The following PPFIA2 variants were observed in gnomAD, a reference collection of about 807,000 sequenced individuals.
The protein encoded by PPFIA2 is PPFI scaffold protein A2.
PPFIA2 carries 46 observed loss-of-function variants against 175.5 expected under a neutral mutation model. That is an observed-to-expected ratio of 0.26 (90% confidence interval 0.21 to 0.34). PPFIA2 has a LOEUF of 0.34. Ranked by LOEUF, PPFIA2 falls within the 10% of genes least tolerant of loss-of-function variation. PPFIA2 has a pLI of 1.00. For missense variants in PPFIA2, 1,179 were observed against 1,506.1 expected (o/e 0.78, Z 3.60); for synonymous variants, 568 against 511.4 (o/e 1.11, Z -1.49).
At chr12:81,325,504 T>C (rs949648137) in intron 22 of PPFIA2, among the ~76,000 whole-genome samples, 3 of 152,120 alleles carry the variant, frequency 2.0e-5, no homozygotes, top group Non-Finnish European at 2.9e-5. Flanking sequence ...ATCAATAGCA[T>C]TGCATTACTT....
intron 4 of PPFIA2, among the ~76,000 whole-genome samples, chr12:81,594,827 C>T (rs902384068): frequency 2.0e-5 from 3 of 151,984 alleles, no homozygotes; most frequent in Non-Finnish European, 2.9e-5. Context: ...GTGGGAGGAT[C>T]GCTTGAGCCT....
intron 4 of PPFIA2, among the ~76,000 whole-genome samples, chr12:81,556,219 T>A (rs1272277623): frequency 1.3e-5 from 2 of 151,974 alleles, no homozygotes; most frequent in Non-Finnish European, 2.9e-5. Flanking sequence ...GACCAATACT[T>A]TGAAGTGATG....
At chr12:81,751,915 C>A (rs1371407198) in intron 3 of PPFIA2, among the ~76,000 whole-genome samples, 1 of 152,076 alleles carries the variant, frequency 6.6e-6, no homozygotes, top group Admixed American at 6.5e-5. Context: ...AAAATAGTCA[C>A]CTTTTTTTTA....
chr12:81,417,623 C>T (rs2045539467), intron 7 of PPFIA2, among the ~76,000 whole-genome samples: 1 of 151,678 alleles, frequency 6.6e-6, no homozygotes, highest in Non-Finnish European at 1.5e-5. Flanking sequence ...ACCCATTGTT[C>T]TGGCCAATTC....
intron 15 of PPFIA2, among the ~76,000 whole-genome samples, chr12:81,361,789 T>TAA (rs1023866401): frequency 5.9e-5 from 9 of 151,494 alleles, no homozygotes; most frequent in African/African-American, 2.2e-4. Flanking sequence ...AAGATGAACA[T>TAA]AACACCAAGA....
chr12:81,723,816 T>C (rs1488421986), intron 3 of PPFIA2, among the ~76,000 whole-genome samples: 1 of 150,990 alleles, frequency 6.6e-6, no homozygotes, highest in African/African-American at 2.4e-5. Context: ...CCCTTTAAGT[T>C]GCTTTATATC....
At chr12:81,631,405 C>G (rs1168698741) in intron 4 of PPFIA2, among the ~76,000 whole-genome samples, 2 of 152,040 alleles carry the variant, frequency 1.3e-5, no homozygotes, top group African/African-American at 4.8e-5. Context: ...GAATGAATGG[C>G]CTTGTGAAAA....
chr12:81,365,520 T>A (rs1298905882), intron 14 of PPFIA2, among the ~76,000 whole-genome samples: 3 of 151,638 alleles, frequency 2.0e-5, no homozygotes, highest in Middle Eastern at 3.2e-3. Flanking sequence ...GAGCTTTGGA[T>A]AACATAACAT....
chr12:81,627,247 A>G (rs1330032538), intron 4 of PPFIA2, among the ~76,000 whole-genome samples: 1 of 152,130 alleles, frequency 6.6e-6, no homozygotes, highest in African/African-American at 2.4e-5. Context: ...TGTGGTTAAC[A>G]ATAAGTTATT....
At chr12:81,361,008 C>A (rs2029918571) in intron 15 of PPFIA2, among the ~76,000 whole-genome samples, 1 of 151,532 alleles carries the variant, frequency 6.6e-6, no homozygotes, top group Admixed American at 6.6e-5. Flanking sequence ...TTGTAATTAT[C>A]TGTGAGTCCT....
At chr12:81,265,155 T>C (rs780210294) in intron 30 of PPFIA2, among the ~76,000 whole-genome samples, 8 of 151,672 alleles carry the variant, frequency 5.3e-5, no homozygotes, top group Non-Finnish European at 8.8e-5. Flanking sequence ...TAGATGGGTG[T>C]GGTGGCACAT....
intron 22 of PPFIA2, among the ~76,000 whole-genome samples, chr12:81,323,170 C>T (rs533189125): frequency 2.0e-5 from 3 of 151,902 alleles, no homozygotes; most frequent in Non-Finnish European, 2.9e-5. Flanking sequence ...TTTAAAGTTA[C>T]AGACTGTCAA....
chr12:81,504,707 C>T (rs1026089963), intron 4 of PPFIA2, among the ~76,000 whole-genome samples: 1 of 152,096 alleles, frequency 6.6e-6, no homozygotes, highest in African/African-American at 2.4e-5. Flanking sequence ...ATGTTTATTG[C>T]AACACTATTC....
intron 22 of PPFIA2, among the ~76,000 whole-genome samples, chr12:81,322,400 A>G (rs764674447): frequency 1.3e-5 from 2 of 152,150 alleles, no homozygotes; most frequent in Middle Eastern, 3.2e-3. Context: ...GCATCCCCAG[A>G]TGAAGTCCGC....
In PPFIA2 at chr12:81,520,350, G is replaced by T. The variant is rs77574009; in HGVS notation, c.304-62484C>A. Among the ~76,000 whole-genome samples, 458 of 152,250 alleles carry T rather than the reference G, an allele frequency of 3.0e-3. 6 individuals are homozygous for T. Among genetic ancestry groups the T allele is most frequent in the East Asian group, 0.028 (146 of 5,168 alleles). On this transcript the variant is annotated intron_variant, in intron 4 of 32. Coordinates refer to ENST00000549396, the MANE Select transcript of PPFIA2 (RefSeq NM_003625.5). ...AGATTTCATCACACTACTCTGAATG[G>T]TGGGTAGCAACTTAAAACTTATAAA...
intron 4 of PPFIA2, among the ~76,000 whole-genome samples, chr12:81,523,342 C>T (rs1567180344): frequency 6.6e-6 from 1 of 152,156 alleles, no homozygotes; most frequent in African/African-American, 2.4e-5. Flanking sequence ...TGACCACCCC[C>T]TATATTCTTA....
chr12:81,557,740 C>T (rs1462826081), intron 4 of PPFIA2, among the ~76,000 whole-genome samples: 9 of 152,080 alleles, frequency 5.9e-5, no homozygotes, highest in Admixed American at 5.9e-4. Flanking sequence ...TAGGTCATTA[C>T]TCAGAGTTAA....
chr12:81,722,700 C>G (rs946625152), intron 3 of PPFIA2, among the ~76,000 whole-genome samples: 1 of 150,896 alleles, frequency 6.6e-6, no homozygotes, highest in African/African-American at 2.4e-5. Flanking sequence ...CTACCTCAGG[C>G]AGGTTCCAGT....
chr12:81,527,497 C>G (rs2063867505), intron 4 of PPFIA2, among the ~76,000 whole-genome samples: 1 of 152,056 alleles, frequency 6.6e-6, no homozygotes, highest in Non-Finnish European at 1.5e-5. Context: ...AACACATCCT[C>G]CCCTCCCCCT....
Sources: gnomAD v4.1 joint callset for allele counts (sites outside exome capture counted in the v4.1 genomes callset) on GRCh38, gnomAD v4.1.1 for gene constraint, MANE v1.5 for transcripts, NCBI Gene and HGNC (gene_info 2026-07-23, HGNC 2026-07-21) for gene names.